Variants in MYO3B observed in about 807,000 individuals in gnomAD.
MYO3B encodes the protein myosin IIIB.
Under a neutral mutation model 174.6 loss-of-function variants are expected in MYO3B, and 156 were observed. That is an observed-to-expected ratio of 0.89 (90% CI 0.78 to 1.02). The LOEUF (loss-of-function observed/expected upper bound fraction) is 1.02, where lower values mean the gene tolerates loss of function less well. MYO3B is among the 50% of genes least tolerant of loss of function. The pLI is 0.00. For missense variants in MYO3B, 1,632 were observed against 1,639.4 expected (o/e 1.00, Z 0.08); for synonymous variants, 563 against 569.1 (o/e 0.99, Z 0.15).
At chr2:170,445,537 C>T (rs6433203) in intron 23 of MYO3B, among the ~76,000 whole-genome samples, 40,914 of 151,962 alleles carry the variant, frequency 0.27, 5,742 homozygotes, top group African/African-American at 0.36. Context: ...GACGGGGTTT[C>T]TCCATGTTGG....
At chr2:170,567,064 G>T (rs1692117395) in intron 32 of MYO3B, among the ~76,000 whole-genome samples, 1 of 152,130 alleles carries the variant, frequency 6.6e-6, no homozygotes, top group South Asian at 2.1e-4. Flanking sequence ...TAGAATCTTT[G>T]CAGGCAACCT....
intron 32 of MYO3B, among the ~76,000 whole-genome samples, chr2:170,614,101 C>T (rs1249963409): frequency 6.6e-6 from 1 of 152,116 alleles, no homozygotes; most frequent in Non-Finnish European, 1.5e-5. Flanking sequence ...TCCCACCTCC[C>T]CTACCCCTAG....
intron 23 of MYO3B, among the ~76,000 whole-genome samples, chr2:170,460,277 C>CA (rs1164335329): frequency 1.3e-5 from 2 of 152,014 alleles, no homozygotes; most frequent in African/African-American, 4.8e-5. Flanking sequence ...ATCTCAAGGT[C>CA]AGGGGTTCAA....
intron 22 of MYO3B, among the ~76,000 whole-genome samples, chr2:170,420,110 C>T (rs1417048206): frequency 6.6e-6 from 1 of 152,040 alleles, no homozygotes; most frequent in Non-Finnish European, 1.5e-5. Context: ...TTGAACAGGA[C>T]CCGGGATGCG....
intron 28 of MYO3B, among the ~76,000 whole-genome samples, chr2:170,512,962 A>G (rs987518773): frequency 3.3e-5 from 5 of 152,190 alleles, no homozygotes; most frequent in South Asian, 2.1e-4. Flanking sequence ...TAGGGTTACT[A>G]TGAGCATTAA....
intron 32 of MYO3B, among the ~76,000 whole-genome samples, chr2:170,573,989 C>T (rs1324291366): frequency 1.3e-5 from 2 of 152,134 alleles, no homozygotes; most frequent in South Asian, 4.1e-4. Flanking sequence ...CATTAGAAAA[C>T]ACCCTCTTTT....
chr2:170,379,328 G>T (rs557295946), intron 9 of MYO3B, among the ~76,000 whole-genome samples: 2 of 151,972 alleles, frequency 1.3e-5, no homozygotes, highest in East Asian at 3.9e-4. Flanking sequence ...CTGAGTAGCT[G>T]GGGCTACAGG....
chr2:170,387,834 G>T (rs895341040), intron 14 of MYO3B, among the ~76,000 whole-genome samples: 9 of 152,104 alleles, frequency 5.9e-5, no homozygotes, highest in African/African-American at 2.2e-4. Context: ...CTCATCTGTG[G>T]AATGGAAATG....
intron 22 of MYO3B, among the ~76,000 whole-genome samples, chr2:170,435,286 G>A (rs2105893731): frequency 6.6e-6 from 1 of 152,308 alleles, no homozygotes; most frequent in African/African-American, 2.4e-5. Context: ...ACTGGGTAAG[G>A]ATCATAGTGC....
Position 170,178,283 on chromosome 2 carries a change from C to A in MYO3B, c.-5C>A. On this transcript the variant is annotated 5_prime_UTR_variant, in exon 1 of 35. Transcript: ENST00000408978. ...CATAAGCCGGATTCAGAAAATAGGT[C>A]ATCGATGTGAGTTGCAGTTATTTTC... 2 of 1,614,122 alleles carry A rather than the reference C, an allele frequency of 1.2e-6. No individual in the cohort carries two copies. The highest frequency in any genetic ancestry group is 1.7e-6 in the Non-Finnish European group (2 of 1,179,998).
chr2:170,184,278 A>C lies in MYO3B; in HGVS notation c.2+5989A>C, dbSNP rs369159961. On this transcript the variant is annotated intron_variant, in intron 1 of 34. Coordinates refer to ENST00000408978, the MANE Select transcript of MYO3B (RefSeq NM_138995.5). ...TTGTAGTCATCCCTTTGTGCTATCA[A>C]ATACTAGATCATATTCATTCTATTT... is the stretch of plus-strand genomic sequence containing the variant. 5.3e-5 allele frequency among the ~76,000 whole-genome samples: 8 copies of C among 152,168 alleles called. No homozygotes were observed. In the East Asian group the frequency reaches 1.4e-3, roughly 26 times the overall value.
intron 8 of MYO3B, among the ~76,000 whole-genome samples, chr2:170,356,445 C>T (rs4668244): frequency 0.49 from 74,708 of 151,920 alleles, 19,535 homozygotes; most frequent in Admixed American, 0.62. Context: ...TCCCTGTAAC[C>T]TCTGCTTCCT....
At chr2:170,517,306 A>G (rs73025090) in intron 29 of MYO3B, among the ~76,000 whole-genome samples, 13,669 of 152,212 alleles carry the variant, frequency 0.09, 1,636 homozygotes, top group African/African-American at 0.26. Context: ...TTTCCCTTCA[A>G]TTACATGAAC....
intron 32 of MYO3B, among the ~76,000 whole-genome samples, chr2:170,639,032 C>G (rs546582820): frequency 3.3e-5 from 5 of 152,120 alleles, no homozygotes; most frequent in African/African-American, 9.7e-5. Context: ...GACGAGTGCC[C>G]CAGGGTCCCC....
At position 170,214,827 on chromosome 2, in the gene MYO3B, T is replaced by C; in HGVS notation, c.525T>C (p.Phe175=). ...AAGGAGGAGTTAAGCTCGTTGACTT[T>C]GGTAATGACTGCTTGTCGTTTGTTT... ...TTEGGVKLVD[F]GVSAQLTSTR... The change falls in exon 5 of 35, where the codon TTT becomes TTC. Residue 175 remains phenylalanine, a splice_region_variant and synonymous_variant. Coordinates refer to ENST00000408978, the MANE Select transcript of MYO3B (RefSeq NM_138995.5). The C allele has an allele frequency of 1.2e-6, 2 of 1,609,454 alleles. No individual in the cohort carries two copies. The highest frequency in any genetic ancestry group is 2.2e-5 in the East Asian group (1 of 44,850).
Position 170,442,911 on chromosome 2 carries a change from G to A in MYO3B, c.2651-1056G>A, listed in dbSNP as rs551624626. 3.9e-5 allele frequency among the ~76,000 whole-genome samples: 6 copies of A among 152,274 alleles called. No homozygotes were observed. In the South Asian group the frequency reaches 6.2e-4, roughly 16 times the overall value. ...TTAATCCAGTCTTTCATTGATGGAT[G>A]TTTGGGTTGGTTCCAAGTCTTTGCT... is the stretch of plus-strand genomic sequence containing the variant. On this transcript the variant is annotated intron_variant, in intron 22 of 34. Transcript: ENST00000408978.
At chr2:170,424,209 A>G (rs927936968) in intron 22 of MYO3B, among the ~76,000 whole-genome samples, 2 of 152,204 alleles carry the variant, frequency 1.3e-5, no homozygotes, top group African/African-American at 4.8e-5. Context: ...TGCTGATCAG[A>G]TGATCTTCCT....
intron 32 of MYO3B, among the ~76,000 whole-genome samples, chr2:170,598,296 C>T (rs1417879797): frequency 6.6e-6 from 1 of 152,204 alleles, no homozygotes; most frequent in East Asian, 1.9e-4. Flanking sequence ...CCTGCTTCAG[C>T]CGGCTGTTCC....
At chr2:170,622,351 T>C (rs1695995126) in intron 32 of MYO3B, among the ~76,000 whole-genome samples, 2 of 152,172 alleles carry the variant, frequency 1.3e-5, no homozygotes, top group Non-Finnish European at 2.9e-5. Context: ...TAGAAATGAA[T>C]CAAAATGATT....
Sources: allele counts gnomAD v4.1 joint callset (sites outside exome capture counted in the v4.1 genomes callset), GRCh38; gene constraint gnomAD v4.1.1; transcripts MANE v1.5; gene names NCBI Gene and HGNC (gene_info 2026-07-23, HGNC 2026-07-21).